IGF2BP3: variants seen among roughly 807,000 people sequenced by gnomAD.
The protein encoded by IGF2BP3 is insulin like growth factor 2 mRNA binding protein 3.
IGF2BP3 carries 9 observed loss-of-function variants against 73.8 expected under a neutral mutation model. The ratio of observed to expected loss-of-function variants is 0.12; its 90% CI spans 0.07 to 0.21. The LOEUF is 0.21. IGF2BP3 is among the 10% of genes least tolerant of loss of function. The probability of loss-of-function intolerance (pLI) is 1.00; values close to 1 mark genes in which losing one functional copy is unlikely to be tolerated. For synonymous variants in IGF2BP3, 258 were observed against 256.7 expected, an observed-to-expected ratio of 1.01 and a Z score of -0.05; for missense variants, 542 against 714.0, an observed-to-expected ratio of 0.76 and a Z score of 2.75.
At chr7:23,460,201 A>AAAAAAAAAG (rs34563888) in intron 2 of IGF2BP3, among the ~76,000 whole-genome samples, 1 of 146,910 alleles carries the variant, frequency 6.8e-6, no homozygotes, top group Non-Finnish European at 1.5e-5. Flanking sequence ...AAAAAACAAA[A>AAAAAAAAAG]ACGAAAGTGA....
At chr7:23,331,899 T>C (rs1302183600) in intron 10 of IGF2BP3, among the ~76,000 whole-genome samples, 1 of 150,380 alleles carries the variant, frequency 6.6e-6, no homozygotes, top group Non-Finnish European at 1.5e-5. Flanking sequence ...TTTAATTGAC[T>C]CAGTTGGCTG....
At chr7:23,462,644 G>T (rs893266797) in intron 2 of IGF2BP3, among the ~76,000 whole-genome samples, 2 of 152,162 alleles carry the variant, frequency 1.3e-5, no homozygotes, top group Non-Finnish European at 2.9e-5. Context: ...TTACAGGTGT[G>T]AGCCACCTCG....
chr7:23,464,371 A>C (rs1380529923), intron 2 of IGF2BP3, among the ~76,000 whole-genome samples: 1 of 152,232 alleles, frequency 6.6e-6, no homozygotes, highest in Non-Finnish European at 1.5e-5. Context: ...TGGTAAATAC[A>C]CATAAAATTT....
At chr7:23,376,614 C>T (rs1210665644) in intron 3 of IGF2BP3, among the ~76,000 whole-genome samples, 2 of 151,854 alleles carry the variant, frequency 1.3e-5, no homozygotes, top group African/African-American at 2.4e-5. Flanking sequence ...ACCTATAATC[C>T]CAACACTTTG....
intron 10 of IGF2BP3, among the ~76,000 whole-genome samples, chr7:23,335,899 A>G (rs1369058209): frequency 4.6e-5 from 7 of 152,204 alleles, no homozygotes; most frequent in African/African-American, 1.7e-4. Flanking sequence ...ATAAACTCGA[A>G]GTTTGCCAGT....
intron 10 of IGF2BP3, among the ~76,000 whole-genome samples, chr7:23,335,073 TAAAA>T (rs5882898): frequency 4.3e-5 from 3 of 69,180 alleles, no homozygotes; most frequent in South Asian, 1.1e-3. Context: ...TCTTTAACAT[TAAAA>T]AAAAAAAAAA....
intron 3 of IGF2BP3, among the ~76,000 whole-genome samples, chr7:23,405,606 A>T (rs1786802726): frequency 6.6e-6 from 1 of 152,228 alleles, no homozygotes; most frequent in African/African-American, 2.4e-5. Flanking sequence ...CTCCTGTCAG[A>T]TCAGCAATGG....
intron 3 of IGF2BP3, among the ~76,000 whole-genome samples, chr7:23,363,328 CCTCAACCACTGGG>C (rs901752755): frequency 6.6e-6 from 1 of 152,124 alleles, no homozygotes; most frequent in Non-Finnish European, 1.5e-5. Flanking sequence ...ATCACTGTAG[CCTCAACCACTGGG>C]CTCAAGCAAC....
chr7:23,318,808 C>T (rs1784059177), intron 11 of IGF2BP3, among the ~76,000 whole-genome samples: 1 of 152,184 alleles, frequency 6.6e-6, no homozygotes, highest in Admixed American at 6.5e-5. Context: ...GGGCAACAGA[C>T]CTGATTCCTG....
chr7:23,404,187 C>T (rs570988119), intron 3 of IGF2BP3, among the ~76,000 whole-genome samples: 55 of 150,450 alleles, frequency 3.7e-4, no homozygotes, highest in African/African-American at 1.2e-3. Context: ...TGCTCATAAT[C>T]GACACAACCC....
At chr7:23,466,848 A>G (rs1484617573) in intron 2 of IGF2BP3, among the ~76,000 whole-genome samples, 2 of 152,238 alleles carry the variant, frequency 1.3e-5, no homozygotes, top group Non-Finnish European at 2.9e-5. Context: ...TTCATTTTTA[A>G]ATTTAGAAAC....
chr7:23,323,365 G>C (rs1476223968), intron 10 of IGF2BP3, among the ~76,000 whole-genome samples: 2 of 144,704 alleles, frequency 1.4e-5, no homozygotes, highest in African/African-American at 5.4e-5. Context: ...AACAAGAAGA[G>C]CTAACTATCC....
intron 3 of IGF2BP3, among the ~76,000 whole-genome samples, chr7:23,408,872 T>C (rs1195217127): frequency 1.3e-5 from 2 of 152,158 alleles, no homozygotes; most frequent in Non-Finnish European, 2.9e-5. Flanking sequence ...CACTTAACTT[T>C]CAAAAGAAAA....
intron 12 of IGF2BP3, among the ~76,000 whole-genome samples, chr7:23,315,576 C>T (rs924405431): frequency 6.6e-6 from 1 of 152,184 alleles, no homozygotes; most frequent in Non-Finnish European, 1.5e-5. Flanking sequence ...TAGTACCCAA[C>T]ACGCGTTCAC....
At chr7:23,344,861 C>T (rs1784793329) in intron 8 of IGF2BP3, among the ~76,000 whole-genome samples, 1 of 152,212 alleles carries the variant, frequency 6.6e-6, no homozygotes, top group South Asian at 2.1e-4. Context: ...AAAAAGAAGT[C>T]TATAATTCTA....
chr7:23,452,897 A>T (rs1788235133), intron 2 of IGF2BP3, among the ~76,000 whole-genome samples: 1 of 151,818 alleles, frequency 6.6e-6, no homozygotes, highest in Non-Finnish European at 1.5e-5. Flanking sequence ...GCAGATAACG[A>T]GGTCAGGAGA....
chr7:23,410,635 C>G (rs1271475452), intron 3 of IGF2BP3, among the ~76,000 whole-genome samples: 1 of 152,168 alleles, frequency 6.6e-6, no homozygotes, highest in African/African-American at 2.4e-5. Flanking sequence ...TCTATGTCTA[C>G]AGTTCTTTAA....
intron 10 of IGF2BP3, among the ~76,000 whole-genome samples, chr7:23,333,512 A>AT (rs951234006): frequency 1.3e-5 from 2 of 152,250 alleles, no homozygotes; most frequent in Non-Finnish European, 2.9e-5. Flanking sequence ...CTGATGAGAA[A>AT]TAACAAACCC....
chr7:23,403,352 A>C (rs974836069), intron 3 of IGF2BP3, among the ~76,000 whole-genome samples: 5 of 152,194 alleles, frequency 3.3e-5, no homozygotes, highest in Admixed American at 6.5e-5. Flanking sequence ...ATCATGCCTA[A>C]GTATTTATGT....
Sources: allele counts gnomAD v4.1 joint callset (sites outside exome capture counted in the v4.1 genomes callset), GRCh38; gene constraint gnomAD v4.1.1; transcripts MANE v1.5; gene names NCBI Gene and HGNC (gene_info 2026-07-23, HGNC 2026-07-21).